Variants in GNG7 observed in about 807,000 individuals in gnomAD.
The protein encoded by GNG7 is guanine nucleotide-binding protein G(I)/G(S)/G(O) subunit gamma-7.
Under a neutral mutation model 4.0 loss-of-function variants are expected in GNG7, and 1 was observed. The ratio of observed to expected loss-of-function variants is 0.25; its 90% CI spans 0.09 to 1.18. The LOEUF (loss-of-function observed/expected upper bound fraction) is 1.18. Among genes scored for constraint, GNG7 ranks in the 50% most tolerant of loss-of-function variants. The probability of loss-of-function intolerance (pLI) is 0.50; values close to 1 mark genes in which losing one functional copy is unlikely to be tolerated. For synonymous variants in GNG7, 34 were observed against 36.9 expected, an observed-to-expected ratio of 0.92 and a Z score of 0.29; for missense variants, 86 against 91.9, an observed-to-expected ratio of 0.94 and a Z score of 0.26.
intron 3 of GNG7, among the ~76,000 whole-genome samples, chr19:2,541,058 G>A (rs1245464627): frequency 6.6e-6 from 1 of 152,280 alleles, no homozygotes; most frequent in African/African-American, 2.4e-5. Flanking sequence ...CGGCCTGGCA[G>A]AGACAGGGAC....
At chr19:2,535,483 G>C (rs781159850) in intron 3 of GNG7, among the ~76,000 whole-genome samples, 6 of 147,354 alleles carry the variant, frequency 4.1e-5, no homozygotes, top group Non-Finnish European at 7.4e-5. Flanking sequence ...CTGGGTGACA[G>C]AGTAAGACCT....
At chr19:2,644,331 A>G (rs1230958761) in intron 2 of GNG7, among the ~76,000 whole-genome samples, 4 of 3,828 alleles carry the variant, frequency 1.0e-3, no homozygotes, top group African/African-American at 4.4e-3. Flanking sequence ...TACACTTTAT[A>G]TATATATATA....
chr19:2,646,006 C>T lies in GNG7; in HGVS notation c.-78+218G>A, dbSNP rs116662655. Among the ~76,000 whole-genome samples the T allele has an allele frequency of 6.0e-3, 910 of 152,274 alleles. 14 individuals carry two copies. The highest frequency in any genetic ancestry group is 0.021 in the African/African-American group (863 of 41,540). ...CGGCACCAGCAGGACCAGTGAGTGCCACGTTCCCTGCCTCGTGGGCGGGAA... is the reference window on the plus strand; with the variant it reads ...CGGCACCAGCAGGACCAGTGAGTGCTACGTTCCCTGCCTCGTGGGCGGGAA... On this transcript the variant is annotated intron_variant, in intron 2 of 4. Coordinates refer to ENST00000382159, the MANE Select transcript of GNG7 (RefSeq NM_052847.3).
Position 2,612,141 on chromosome 19 carries a change from G to A in GNG7, c.-78+34083C>T, listed in dbSNP as rs145145393. Among the ~76,000 whole-genome samples the A allele has an allele frequency of 2.6e-5, 4 of 152,212 alleles. No homozygotes were observed. In the East Asian group the frequency reaches 7.8e-4, roughly 30 times the overall value. The stretch of plus-strand genomic sequence containing the variant: ...GCCTACCCTGGCCTCCCAAAGTGCT[G>A]GGACTACAGGTGTGAGCCAGCGCGC... On this transcript the variant is annotated intron_variant, in intron 2 of 4. Transcript: ENST00000382159.
intron 1 of GNG7, among the ~76,000 whole-genome samples, chr19:2,661,308 G>GAAAGAAAGAAAGAAAGAA (rs1568277836): frequency 3.9e-5 from 5 of 129,302 alleles, no homozygotes; most frequent in African/African-American, 9.2e-5. Flanking sequence ...GAAAGAGAAA[G>GAAAGAAAGAAAGAAAGAA]AAAGAAAGAA....
chr19:2,608,889 T>C (rs1425896625), intron 2 of GNG7, among the ~76,000 whole-genome samples: 1 of 152,218 alleles, frequency 6.6e-6, no homozygotes, highest in Non-Finnish European at 1.5e-5. Flanking sequence ...GACCCGCTTT[T>C]TAAAGAAACT....
rs1568272569 is a variant in GNG7 at position 2,644,382 on chromosome 19, A to ATATATAG, written c.-78+1841_-78+1842insCTATATA. ...ATATATATATATATATATATATATA[A>ATATATAG]TGCTCTATCTATACATGCATCATGT... is the stretch of plus-strand genomic sequence containing the variant. On this transcript the variant is annotated intron_variant, in intron 2 of 4. Coordinates refer to ENST00000382159, the MANE Select transcript of GNG7 (RefSeq NM_052847.3). Among the ~76,000 whole-genome samples the ATATATAG allele has an allele frequency of 1.6e-3, 177 of 109,126 alleles. 20 individuals carry two copies. Among genetic ancestry groups the ATATATAG allele is most frequent in the Non-Finnish European group, 2.2e-3 (121 of 55,340 alleles). The allele number at this position is 109,126 out of a possible 152,430, so 71.6% of individuals were successfully genotyped here.
At chr19:2,526,852 C>CTTTTTTT (rs972238190) in intron 3 of GNG7, among the ~76,000 whole-genome samples, 1 of 145,754 alleles carries the variant, frequency 6.9e-6, no homozygotes, top group Non-Finnish European at 1.5e-5. Flanking sequence ...TTTATCTTAA[C>CTTTTTTT]TTTTTTTTTT....
chr19:2,642,833 G>A, intron 2 of GNG7: 1 of 456,770 alleles, frequency 2.2e-6, no homozygotes, highest in Non-Finnish European at 4.4e-6. Flanking sequence ...CAAACCTGTG[G>A]CAGCCCCAGG....
Position 2,686,753 on chromosome 19 carries a change from CTTT to C in GNG7, c.-135+15890_-135+15892del, listed in dbSNP as rs1224590104. Among the ~76,000 whole-genome samples the C allele has an allele frequency of 3.0e-3, 421 of 140,406 alleles. 2 individuals are homozygous for C. The highest frequency in any genetic ancestry group is 5.4e-3 in the Admixed American group (75 of 13,908). 92.1% of individuals were successfully genotyped at this position (140,406 alleles called of 152,430 possible). A position where few individuals can be genotyped will look rare whatever the true frequency, so the allele number is the denominator to read the frequency against. On this transcript the variant is annotated intron_variant, in intron 1 of 4. Coordinates refer to ENST00000382159, the MANE Select transcript of GNG7 (RefSeq NM_052847.3). ...GAGACTTTACTTACTTTTTTTCTTT[CTTT>C]TTTTTTTTTTTTTGAGACAGAGTCT...
chr19:2,643,055 C>T (rs1982555371), intron 2 of GNG7: 1 of 452,358 alleles, frequency 2.2e-6, no homozygotes, highest in Non-Finnish European at 4.4e-6. Flanking sequence ...AAGTCTGAGC[C>T]CTCTCCGGGC....
At chr19:2,678,441 G>T (rs72978789) in intron 1 of GNG7, among the ~76,000 whole-genome samples, 25,791 of 152,156 alleles carry the variant, frequency 0.17, 3,151 homozygotes, top group East Asian at 0.55. Flanking sequence ...AGTAACAGAG[G>T]AAAAGCCACG....
intron 2 of GNG7, among the ~76,000 whole-genome samples, chr19:2,619,707 C>T (rs1483812362): frequency 1.3e-5 from 2 of 152,070 alleles, no homozygotes; most frequent in Admixed American, 1.3e-4. Context: ...TACGAAATGT[C>T]CAGGACAGGC....
At chr19:2,586,197 T>C (rs529080212) in intron 2 of GNG7, among the ~76,000 whole-genome samples, 5 of 152,180 alleles carry the variant, frequency 3.3e-5, no homozygotes, top group Non-Finnish European at 7.4e-5. Context: ...GCCGTCTTGA[T>C]GGGGTGAGAT....
intron 2 of GNG7, among the ~76,000 whole-genome samples, chr19:2,599,141 G>C (rs906166157): frequency 6.6e-6 from 1 of 152,140 alleles, no homozygotes; most frequent in Non-Finnish European, 1.5e-5. Flanking sequence ...CGTGCCGCTG[G>C]TTGCTCCGCC....
chr19:2,629,863 T>A (rs966405563), intron 2 of GNG7, among the ~76,000 whole-genome samples: 2 of 152,188 alleles, frequency 1.3e-5, no homozygotes, highest in Non-Finnish European at 2.9e-5. Flanking sequence ...GCACAGAGCT[T>A]TGCACATACA....
chr19:2,525,436 G>A (rs978098317), intron 3 of GNG7, among the ~76,000 whole-genome samples: 1 of 152,162 alleles, frequency 6.6e-6, no homozygotes, highest in Non-Finnish European at 1.5e-5. Flanking sequence ...GTCTAAGCCC[G>A]CCTCGTGCAG....
At chr19:2,552,478 G>A (rs915117648) in intron 3 of GNG7, among the ~76,000 whole-genome samples, 20 of 152,058 alleles carry the variant, frequency 1.3e-4, no homozygotes, top group Admixed American at 9.2e-4. Context: ...TCCGCCTCCC[G>A]GGTTCAAGCG....
intron 1 of GNG7, among the ~76,000 whole-genome samples, chr19:2,696,717 C>A (rs1913274604): frequency 1.3e-5 from 2 of 152,212 alleles, no homozygotes; most frequent in Admixed American, 1.3e-4. Context: ...ACACAAAAGG[C>A]CACACAGTGT....
Sources: gnomAD v4.1 joint callset for allele counts (sites outside exome capture counted in the v4.1 genomes callset) on GRCh38, gnomAD v4.1.1 for gene constraint, MANE v1.5 for transcripts, NCBI Gene and HGNC (gene_info 2026-07-23, HGNC 2026-07-21) for gene names.